PSD3: variants seen among roughly 807,000 people sequenced by gnomAD.
The protein encoded by PSD3 is PH and SEC7 domain-containing protein 3.
In PSD3, 49 loss-of-function variants were observed where a neutral mutation model predicts 105.5. The observed-to-expected ratio is 0.46, with a 90% CI of 0.37 to 0.59. The LOEUF is 0.59. Among genes scored for constraint, PSD3 ranks in the 20% least tolerant of loss-of-function variants. PSD3 has a pLI of 0.00. For synonymous variants in PSD3, 557 were observed against 457.8 expected (o/e 1.22, Z -2.77); for missense variants, 1,561 against 1,263.8 (o/e 1.24, Z -3.57).
chr8:18,762,871 A>G, intron 9 of PSD3: 1 of 1,205,198 alleles, frequency 8.3e-7, no homozygotes, highest in Non-Finnish European at 1.1e-6. Flanking sequence ...AACAACTACA[A>G]CAACAAAAAA....
rs1002337361 is a variant in PSD3, at chr8:18,752,043, C to G, written c.2172+13406G>C. On this transcript the variant is annotated intron_variant, in intron 9 of 15. Transcript: ENST00000327040. ...TACATAAAAAAAAAAAAAAAATTAG[C>G]TGGGCGTGGTGGTGGATGCCTGTAA... 1.9e-4 allele frequency among the ~76,000 whole-genome samples: 29 copies of G among 150,212 alleles called. 1 individual carries two copies. The East Asian group carries it at 2.0e-3, about 10-fold the overall frequency.
chr8:18,537,399 T>C (rs1246658535), intron 15 of PSD3, among the ~76,000 whole-genome samples: 1 of 152,204 alleles, frequency 6.6e-6, no homozygotes, highest in Non-Finnish European at 1.5e-5. Context: ...ATATAGATTA[T>C]ATGTATATAG....
At chr8:18,665,118 C>T (rs1414216976) in intron 9 of PSD3, among the ~76,000 whole-genome samples, 1 of 152,170 alleles carries the variant, frequency 6.6e-6, no homozygotes, top group Non-Finnish European at 1.5e-5. Context: ...ATTTCTACTG[C>T]CAAGTCTTAT....
At chr8:18,754,633 T>G (rs555656259) in intron 9 of PSD3, among the ~76,000 whole-genome samples, 2 of 152,246 alleles carry the variant, frequency 1.3e-5, no homozygotes, top group East Asian at 3.9e-4. Flanking sequence ...TGGGTATTAT[T>G]AAAAACAGGA....
intron 14 of PSD3, among the ~76,000 whole-genome samples, chr8:18,569,041 A>AT (rs536428914): frequency 0.025 from 3,470 of 137,214 alleles, 76 homozygotes; most frequent in East Asian, 0.093. Flanking sequence ...TGAACTCATC[A>AT]TTTTTTATGG....
At chr8:18,817,057 G>A (rs1334964988) in intron 4 of PSD3, among the ~76,000 whole-genome samples, 1 of 152,156 alleles carries the variant, frequency 6.6e-6, no homozygotes, top group African/African-American at 2.4e-5. Flanking sequence ...TAAGTTTTAA[G>A]TGATGGCCCA....
chr8:18,723,268 G>C (rs141718580), intron 9 of PSD3, among the ~76,000 whole-genome samples: 1 of 152,128 alleles, frequency 6.6e-6, no homozygotes, highest in Non-Finnish European at 1.5e-5. Context: ...CAATATTACT[G>C]TTATTGTTAC....
intron 9 of PSD3, among the ~76,000 whole-genome samples, chr8:18,690,020 T>C (rs1800885962): frequency 6.6e-6 from 1 of 152,180 alleles, no homozygotes; most frequent in South Asian, 2.1e-4. Flanking sequence ...CCTATGCTAT[T>C]TGTTTCTTGA....
intron 14 of PSD3, among the ~76,000 whole-genome samples, chr8:18,567,103 T>C (rs978628119): frequency 6.6e-6 from 1 of 152,214 alleles, no homozygotes; most frequent in African/African-American, 2.4e-5. Flanking sequence ...CTAAGTTACA[T>C]TCACCTTCCA....
chr8:18,905,180 A>G (rs1453319952), intron 2 of PSD3, among the ~76,000 whole-genome samples: 5 of 152,192 alleles, frequency 3.3e-5, no homozygotes, highest in African/African-American at 1.2e-4. Flanking sequence ...TCAACTCAGC[A>G]TCCCCCCTAA....
exon 1 of PSD3, chr8:19,084,349 C>T (rs766601889): frequency 9.2e-5 from 42 of 456,148 alleles, no homozygotes; most frequent in South Asian, 6.0e-4. Flanking sequence ...TGGCAGGTCT[C>T]GGCGCCTCTC....
At chr8:18,543,993 C>G (rs1432317939) in intron 15 of PSD3, among the ~76,000 whole-genome samples, 4 of 152,040 alleles carry the variant, frequency 2.6e-5, no homozygotes, top group African/African-American at 9.7e-5. Flanking sequence ...TATTTGCATT[C>G]AGACCTCACT....
At chr8:19,071,553 T>C (rs1829263021) in intron 1 of PSD3, among the ~76,000 whole-genome samples, 1 of 152,132 alleles carries the variant, frequency 6.6e-6, no homozygotes, top group South Asian at 2.1e-4. Flanking sequence ...GAGAGGGCCT[T>C]GGCTTGAGCC....
intron 8 of PSD3, among the ~76,000 whole-genome samples, chr8:18,777,487 T>C (rs569862250): frequency 1.3e-5 from 2 of 152,376 alleles, no homozygotes; most frequent in East Asian, 3.9e-4. Context: ...CTTTTCTAGT[T>C]CTTTACAGTG....
rs58149086 is a variant in PSD3 at position 18,533,144 on chromosome 8, G to A, written c.*2599C>T. On this transcript the variant is annotated 3_prime_UTR_variant, in exon 16 of 16. Coordinates refer to ENST00000327040, the MANE Select transcript of PSD3 (RefSeq NM_015310.4). ...CCCAAAGGAAAATGTGGTTGGCTAT[G>A]GGCCAGACTCTCAGAATCTAGGCAA... The A allele has an allele frequency of 6.6e-6, 1 of 152,272 alleles. No homozygotes were observed. Among genetic ancestry groups the A allele is most frequent in the African/African-American group, 2.4e-5 (1 of 41,540 alleles). 9.4% of individuals were successfully genotyped at this position (152,272 alleles called of 1,614,324 possible).
At chr8:19,071,195 G>C (rs1198303245) in intron 1 of PSD3, among the ~76,000 whole-genome samples, 2 of 152,038 alleles carry the variant, frequency 1.3e-5, no homozygotes, top group African/African-American at 2.4e-5. Context: ...GATTAGCTGG[G>C]ATTACAGGTG....
At chr8:18,553,868 G>C (rs537732446) in intron 15 of PSD3, among the ~76,000 whole-genome samples, 1 of 152,170 alleles carries the variant, frequency 6.6e-6, no homozygotes, top group Non-Finnish European at 1.5e-5. Flanking sequence ...ATAGACACAG[G>C]TGAAGGAGCT....
chr8:18,950,488 C>T (rs1823166580), intron 1 of PSD3, among the ~76,000 whole-genome samples: 1 of 152,088 alleles, frequency 6.6e-6, no homozygotes, highest in Non-Finnish European at 1.5e-5. Context: ...CAACGTATTC[C>T]TCTTGTCCAA....
intron 10 of PSD3, among the ~76,000 whole-genome samples, chr8:18,653,409 C>T (rs762857883): frequency 4.6e-5 from 7 of 151,732 alleles, no homozygotes; most frequent in Non-Finnish European, 8.8e-5. Context: ...GCTACAGCAT[C>T]AGGCATCAAT....
Sources: allele counts gnomAD v4.1 joint callset (sites outside exome capture counted in the v4.1 genomes callset), GRCh38; gene constraint gnomAD v4.1.1; transcripts MANE v1.5; gene names NCBI Gene and HGNC (gene_info 2026-07-23, HGNC 2026-07-21).